Variants in FRMD3 observed in about 807,000 individuals in gnomAD.
FRMD3 encodes the protein FERM domain-containing protein 3.
Under a neutral mutation model 70.2 loss-of-function variants are expected in FRMD3, and 33 were observed. The observed-to-expected ratio is 0.47, with a 90% CI of 0.36 to 0.63. The LOEUF is 0.63. FRMD3 is among the 20% of genes least tolerant of loss of function. The pLI, the probability that FRMD3 is intolerant of heterozygous loss-of-function variation, is 0.00. For synonymous variants in FRMD3, 279 were observed against 255.9 expected, an observed-to-expected ratio of 1.09 and a Z score of -0.86; for missense variants, 632 against 711.4, an observed-to-expected ratio of 0.89 and a Z score of 1.27.
chr9:83,380,162 C>T (rs771919202), intron 2 of FRMD3, among the ~76,000 whole-genome samples: 5 of 152,138 alleles, frequency 3.3e-5, no homozygotes, highest in Non-Finnish European at 5.9e-5. Flanking sequence ...AAGCTTAAAC[C>T]CTGGAAACCT....
At chr9:83,584,620 G>C in the FRMD3 span, among the ~76,000 whole-genome samples, 1 of 152,150 alleles carries the variant, frequency 6.6e-6, no homozygotes, top group South Asian at 2.1e-4. Context: ...CTTGAAACCT[G>C]TGTCTTATGA....
intron 1 of FRMD3, among the ~76,000 whole-genome samples, chr9:83,414,318 G>A (rs1382638735): frequency 6.6e-6 from 1 of 151,962 alleles, no homozygotes; most frequent in South Asian, 2.1e-4. Flanking sequence ...CAATCAAGCT[G>A]TTTTTAAAAA....
At chr9:83,259,928 CT>C (rs1832907261) in intron 13 of FRMD3, among the ~76,000 whole-genome samples, 1 of 152,154 alleles carries the variant, frequency 6.6e-6, no homozygotes, top group Non-Finnish European at 1.5e-5. Context: ...CAGATCACCA[CT>C]CCACTTCTGG....
the FRMD3 span, among the ~76,000 whole-genome samples, chr9:83,558,401 T>C: frequency 6.6e-6 from 1 of 152,164 alleles, no homozygotes; most frequent in Non-Finnish European, 1.5e-5. Context: ...CATGTGATGA[T>C]TAGTCAATTT....
At position 83,244,696 on chromosome 9, in the gene FRMD3, GA is replaced by G; in HGVS notation, c.*3221del. Reference sequence around the variant, plus strand: ...ATAAAACAATCTGGATGTTGACATAGAAATGCAAATTTCACTATACAAAGGT... The same window carrying G: ...ATAAAACAATCTGGATGTTGACATAGAATGCAAATTTCACTATACAAAGGT... On this transcript the variant is annotated 3_prime_UTR_variant, in exon 14 of 14. Coordinates refer to ENST00000304195, the MANE Select transcript of FRMD3 (RefSeq NM_174938.6). 3 of 984,878 alleles carry G rather than the reference GA, an allele frequency of 3.0e-6. No individual in the cohort carries two copies. Among genetic ancestry groups the G allele is most frequent in the Non-Finnish European group, 3.6e-6 (3 of 829,494 alleles). The allele number at this position is 984,878 out of a possible 1,614,324, so 61.0% of individuals were successfully genotyped here.
the FRMD3 span, among the ~76,000 whole-genome samples, chr9:83,556,152 A>G: frequency 6.6e-6 from 1 of 151,694 alleles, no homozygotes; most frequent in African/African-American, 2.4e-5. Flanking sequence ...CCACTCCCCT[A>G]CAGATTTCTT....
chr9:83,533,604 C>A (rs1399787216), intron 1 of FRMD3, among the ~76,000 whole-genome samples: 1 of 152,142 alleles, frequency 6.6e-6, no homozygotes, highest in Non-Finnish European at 1.5e-5. Flanking sequence ...ATGAGTTAGA[C>A]TAAATATTGG....
intron 6 of FRMD3, 137 bp from the exon 7 acceptor site, chr9:83,313,884 G>A (rs1835460523): frequency 4.7e-6 from 3 of 635,338 alleles, no homozygotes; most frequent in Non-Finnish European, 8.3e-6. Flanking sequence ...CAGTAAGACT[G>A]ATCATTATTT....
At position 83,362,765 on chromosome 9, in the gene FRMD3, CTCCT is replaced by C. The variant is rs540052870; in HGVS notation, c.295+10144_295+10147del. 1.7e-3 allele frequency among the ~76,000 whole-genome samples: 245 copies of C among 143,442 alleles called. 4 individuals are homozygous for C. Among genetic ancestry groups the C allele is most frequent in the African/African-American group, 4.3e-3 (161 of 37,394 alleles). The allele number at this position is 143,442 out of a possible 152,430, so 94.1% of individuals were successfully genotyped here. The stretch of plus-strand genomic sequence containing the variant: ...CTTCCTTCTCTCCTTCCTTCCTTCT[CTCCT>C]TCCTTCCTTATTTCCTTCCCTCCTT... On this transcript the variant is annotated intron_variant, in intron 3 of 13. Coordinates refer to ENST00000304195, the MANE Select transcript of FRMD3 (RefSeq NM_174938.6).
intron 1 of FRMD3, among the ~76,000 whole-genome samples, chr9:83,406,485 C>T (rs3860916): frequency 0.26 from 40,019 of 152,078 alleles, 5,467 homozygotes; most frequent in African/African-American, 0.31. Flanking sequence ...CCAGCTAGGG[C>T]TCTTAGGATG....
chr9:83,501,411 C>T (rs1297089476), intron 1 of FRMD3, among the ~76,000 whole-genome samples: 2 of 152,066 alleles, frequency 1.3e-5, no homozygotes, highest in Admixed American at 1.3e-4. Context: ...TAAGGTACCC[C>T]AATAATTTTT....
chr9:83,325,078 A>G (rs1201626116), intron 6 of FRMD3, among the ~76,000 whole-genome samples: 1 of 152,256 alleles, frequency 6.6e-6, no homozygotes, highest in Non-Finnish European at 1.5e-5. Flanking sequence ...GTCAAATACT[A>G]CATCTTCTCA....
intron 5 of FRMD3, among the ~76,000 whole-genome samples, chr9:83,340,693 C>T (rs1364941297): frequency 6.6e-6 from 1 of 152,192 alleles, no homozygotes; most frequent in Non-Finnish European, 1.5e-5. Flanking sequence ...AAAGAAAATG[C>T]ATTGCATGTC....
chr9:83,574,537 C>T, the FRMD3 span, among the ~76,000 whole-genome samples: 1 of 152,278 alleles, frequency 6.6e-6, no homozygotes, highest in Non-Finnish European at 1.5e-5. Context: ...AATGGTACTC[C>T]AGGGACAAGG....
At chr9:83,323,451 T>C (rs946261713) in intron 6 of FRMD3, among the ~76,000 whole-genome samples, 2 of 152,312 alleles carry the variant, frequency 1.3e-5, no homozygotes, top group African/African-American at 4.8e-5. Flanking sequence ...TGAAACTTAA[T>C]CCCCAAAGTC....
chr9:83,297,935 CCAA>C (rs1449403860), intron 12 of FRMD3: 2 of 445,156 alleles, frequency 4.5e-6, no homozygotes, highest in Non-Finnish European at 9.2e-6. Flanking sequence ...CTCCTCCTGC[CCAA>C]CAACCCCAAG....
rs1824690304 is a variant in FRMD3 at position 83,363,696 on chromosome 9, A to C, written c.295+9217T>G. Among the ~76,000 whole-genome samples, 3 of 151,862 alleles carry C rather than the reference A, an allele frequency of 2.0e-5. No individual in the cohort carries two copies. In the South Asian group the frequency reaches 6.2e-4, roughly 32 times the overall value. The stretch of plus-strand genomic sequence containing the variant: ...CAGCCTCCTGAGTAGCTGGGACTAC[A>C]GGCGCCCGCCACCTCGCCCGGCTAA... On this transcript the variant is annotated intron_variant, in intron 3 of 13. Coordinates refer to ENST00000304195, the MANE Select transcript of FRMD3 (RefSeq NM_174938.6).
At chr9:83,333,934 G>T (rs1452527727) in intron 6 of FRMD3, among the ~76,000 whole-genome samples, 1 of 152,094 alleles carries the variant, frequency 6.6e-6, no homozygotes, top group Non-Finnish European at 1.5e-5. Context: ...GTGGGATAAT[G>T]CACTTAAAGC....
chr9:83,243,223 C>T (rs1353555464), downstream of FRMD3: 1 of 1,550,150 alleles, frequency 6.5e-7, no homozygotes, highest in South Asian at 1.2e-5. Flanking sequence ...AGACTGGAAG[C>T]CCAGATGCAG....
Sources: allele counts gnomAD v4.1 joint callset (sites outside exome capture counted in the v4.1 genomes callset), GRCh38; gene constraint gnomAD v4.1.1; transcripts MANE v1.5; gene names NCBI Gene and HGNC (gene_info 2026-07-23, HGNC 2026-07-21).